Variants in ZFP1 observed in about 807,000 individuals in gnomAD.
ZFP1 encodes the protein zinc finger protein 1 homolog.
A neutral mutation model predicts 38.5 loss-of-function variants in ZFP1; 32 were observed. The ratio of observed to expected loss-of-function variants is 0.83; its 90% CI spans 0.63 to 1.12. The LOEUF (loss-of-function observed/expected upper bound fraction) is 1.12. ZFP1 is among the 50% of genes most tolerant of loss of function. ZFP1 has a pLI of 0.00. For synonymous variants in ZFP1, 245 were observed against 168.8 expected, an observed-to-expected ratio of 1.45 and a Z score of -3.50; for missense variants, 616 against 480.8, an observed-to-expected ratio of 1.28 and a Z score of -2.63.
At chr16:75,126,729 T>C in the ZFP1 span, among the ~76,000 whole-genome samples, 1 of 152,218 alleles carries the variant, frequency 6.6e-6, no homozygotes, top group Admixed American at 6.5e-5. Context: ...TTGCAATGAC[T>C]TGTAATCCTA....
At chr16:75,150,508 C>T (rs1047188882) in intron 1 of ZFP1, among the ~76,000 whole-genome samples, 1 of 152,090 alleles carries the variant, frequency 6.6e-6, no homozygotes, top group Non-Finnish European at 1.5e-5. Context: ...CGTGAGCCAT[C>T]GCACCCGGCC....
intron 3 of ZFP1, among the ~76,000 whole-genome samples, chr16:75,167,920 C>T (rs1173224692): frequency 6.6e-6 from 1 of 152,112 alleles, no homozygotes; most frequent in Non-Finnish European, 1.5e-5. Flanking sequence ...ATGGTGAAAA[C>T]CCCTCTCTAC....
upstream of ZFP1, among the ~76,000 whole-genome samples, chr16:75,144,777 T>C (rs1567516666): frequency 6.6e-6 from 1 of 152,264 alleles, no homozygotes; most frequent in Non-Finnish European, 1.5e-5. Flanking sequence ...AGGTACGTCA[T>C]ATAAATGGAA....
chr16:75,166,096 A>AGTACCTGGTATTTTACAGTTGGAAGT (rs2038065624), intron 2 of ZFP1, among the ~76,000 whole-genome samples: 3 of 152,160 alleles, frequency 2.0e-5, no homozygotes. Context: ...TTGGAAGTTC[A>AGTACCTGGTATTTTACAGTTGGAAGT]TCTTCTGCCT....
chr16:75,132,655 T>C, the ZFP1 span: 1 of 143,868 alleles, frequency 7.0e-6, no homozygotes, highest in Admixed American at 7.0e-5. Context: ...TTCATTTCTT[T>C]TTTTTTTTTT....
chr16:75,138,857 T>C, the ZFP1 span, among the ~76,000 whole-genome samples: 1 of 152,164 alleles, frequency 6.6e-6, no homozygotes, highest in Non-Finnish European at 1.5e-5. Context: ...AAAAAATAAA[T>C]GCATGGTGTT....
chr16:75,138,560 C>G, the ZFP1 span, among the ~76,000 whole-genome samples: 2 of 152,196 alleles, frequency 1.3e-5, no homozygotes, highest in Non-Finnish European at 2.9e-5. Flanking sequence ...GGACTGTGAC[C>G]TTATTTGCAA....
At chr16:75,143,842 G>A (rs560180904), upstream of ZFP1, among the ~76,000 whole-genome samples, 5 of 151,506 alleles carry the variant, frequency 3.3e-5, no homozygotes, top group South Asian at 1.0e-3. Context: ...TTTTGGTAGA[G>A]ATGGTTTTGC....
chr16:75,164,345 G>A (rs1046290409), intron 2 of ZFP1, among the ~76,000 whole-genome samples: 1 of 151,798 alleles, frequency 6.6e-6, no homozygotes, highest in Non-Finnish European at 1.5e-5. Flanking sequence ...TATTTTTTCA[G>A]TACTTTCCTA....
At chr16:75,168,015 C>G (rs1245421722) in intron 3 of ZFP1, among the ~76,000 whole-genome samples, 1 of 151,988 alleles carries the variant, frequency 6.6e-6, no homozygotes, top group Non-Finnish European at 1.5e-5. Context: ...GAGCTGAGAT[C>G]ACACCATTAT....
chr16:75,160,330 T>G (rs2037700520), intron 2 of ZFP1, among the ~76,000 whole-genome samples: 2 of 152,044 alleles, frequency 1.3e-5, no homozygotes, highest in African/African-American at 4.8e-5. Flanking sequence ...GGCAGGAGTT[T>G]GAGACCAGTC....
At chr16:75,128,402 G>A in the ZFP1 span, among the ~76,000 whole-genome samples, 1 of 152,174 alleles carries the variant, frequency 6.6e-6, no homozygotes, top group East Asian at 1.9e-4. Context: ...TTTTGCTGTA[G>A]TGTATACAAA....
chr16:75,134,425 A>G, the ZFP1 span, among the ~76,000 whole-genome samples: 1 of 151,944 alleles, frequency 6.6e-6, no homozygotes, highest in East Asian at 1.9e-4. Context: ...CTGGGCATCA[A>G]TAGCCAGATC....
At chr16:75,136,562 A>G in the ZFP1 span, among the ~76,000 whole-genome samples, 1 of 152,196 alleles carries the variant, frequency 6.6e-6, no homozygotes, top group Admixed American at 6.5e-5. Context: ...ACAGTTAATT[A>G]CATATAGAAC....
the ZFP1 span, among the ~76,000 whole-genome samples, chr16:75,121,673 A>G: frequency 6.6e-6 from 1 of 152,196 alleles, no homozygotes; most frequent in African/African-American, 2.4e-5. Context: ...CTATGTATTT[A>G]TGTGTTGTGT....
At chr16:75,125,527 T>C in the ZFP1 span, among the ~76,000 whole-genome samples, 3 of 152,004 alleles carry the variant, frequency 2.0e-5, no homozygotes, top group Non-Finnish European at 1.5e-5. Context: ...TTTCACCATG[T>C]TTGTCAGACT....
chr16:75,147,387 C>G (rs948306801), upstream of ZFP1, among the ~76,000 whole-genome samples: 1 of 152,124 alleles, frequency 6.6e-6, no homozygotes, highest in African/African-American at 2.4e-5. Context: ...AAGTGATCCT[C>G]CCACCTCAGC....
rs370083393 is a variant in ZFP1 at position 75,169,608 on chromosome 16, C to G, written c.498C>G (p.Ser166Arg). 3 of 1,594,078 alleles carry G rather than the reference C, an allele frequency of 1.9e-6. No homozygotes were observed. The highest frequency in any genetic ancestry group is 1.1e-5 in the South Asian group (1 of 87,534). ...SEYNKSGKAL[S>R]HKAAIFKHQK... ...ACAATAAAAGTGGAAAAGCCCTCAG[C>G]CATAAAGCAGCCATTTTTAAACATC... The change falls in exon 4 of 4, where the codon AGC becomes AGG. Residue 166 changes from serine (S) to arginine (R), a missense_variant. Coordinates refer to ENST00000570010, the MANE Select transcript of ZFP1 (RefSeq NM_153688.4).
chr16:75,166,019 C>T (rs1166610019), intron 2 of ZFP1, among the ~76,000 whole-genome samples: 7 of 152,084 alleles, frequency 4.6e-5, no homozygotes, highest in Non-Finnish European at 8.8e-5. Flanking sequence ...AAATTTTCTA[C>T]CATTTTTATG....
Sources: gnomAD v4.1 joint callset for allele counts (sites outside exome capture counted in the v4.1 genomes callset) on GRCh38, gnomAD v4.1.1 for gene constraint, MANE v1.5 for transcripts, NCBI Gene and HGNC (gene_info 2026-07-23, HGNC 2026-07-21) for gene names.